Variants in LOXL2 observed in about 807,000 individuals in gnomAD.
The protein encoded by LOXL2 is lysyl oxidase homolog 2.
In LOXL2, 70 loss-of-function variants were observed where a neutral mutation model predicts 93.0. The ratio of observed to expected loss-of-function variants is 0.75; its 90% CI spans 0.62 to 0.92. The LOEUF is 0.92. LOXL2 is among the 40% of genes least tolerant of loss of function. The pLI, the probability that LOXL2 is intolerant of heterozygous loss-of-function variation, is 0.00. For missense variants in LOXL2, 973 were observed against 1,054.9 expected (o/e 0.92, Z 1.08); for synonymous variants, 438 against 413.2 (o/e 1.06, Z -0.73).
chr8:23,398,738 T>C (rs531335128), intron 1 of LOXL2, among the ~76,000 whole-genome samples: 197 of 152,298 alleles, frequency 1.3e-3, no homozygotes, highest in African/African-American at 4.4e-3. Context: ...GAATGCACTA[T>C]AGCCTTGACC....
chr8:23,403,744 C>T (rs1043998211), intron 1 of LOXL2, among the ~76,000 whole-genome samples: 1 of 152,196 alleles, frequency 6.6e-6, no homozygotes, highest in African/African-American at 2.4e-5. Flanking sequence ...CCGGCCCGTA[C>T]GAGGTGGGGT....
At chr8:23,380,683 G>A (rs942204835) in intron 1 of LOXL2, among the ~76,000 whole-genome samples, 13 of 151,848 alleles carry the variant, frequency 8.6e-5, no homozygotes, top group Non-Finnish European at 1.8e-4. Flanking sequence ...TACACAAGCT[G>A]GTGAAAAAAA....
Position 23,317,121 on chromosome 8 carries a change from G to A in LOXL2, c.1471-7C>T. 6.2e-7 allele frequency: 1 copy of A among 1,613,738 alleles called. No individual in the cohort carries two copies. Among genetic ancestry groups the A allele is most frequent in the Non-Finnish European group, 8.5e-7 (1 of 1,179,880 alleles). On this transcript the variant is annotated splice_region_variant and splice_polypyrimidine_tract_variant and intron_variant, in intron 8 of 13. Transcript: ENST00000389131. Reference sequence around the variant, plus strand: ...CGTGCCAATACCAGGTCTCCTGGAAGAACCAACAAAACAAATGGTGGGTAC... The same window carrying A: ...CGTGCCAATACCAGGTCTCCTGGAAAAACCAACAAAACAAATGGTGGGTAC...
intron 3 of LOXL2, among the ~76,000 whole-genome samples, chr8:23,354,370 A>G (rs1253503518): frequency 6.6e-6 from 1 of 152,196 alleles, no homozygotes; most frequent in Non-Finnish European, 1.5e-5. Flanking sequence ...CAGGGTCACA[A>G]GACACAGAGA....
intron 1 of LOXL2, among the ~76,000 whole-genome samples, chr8:23,390,861 G>A (rs1436410828): frequency 2.0e-5 from 3 of 152,136 alleles, no homozygotes; most frequent in Admixed American, 1.3e-4. Context: ...CCTGAGATGG[G>A]GTAATTTATA....
intron 4 of LOXL2, among the ~76,000 whole-genome samples, chr8:23,335,951 TGCGTGC>T (rs1163824261): frequency 1.3e-5 from 2 of 152,138 alleles, no homozygotes. Context: ...AAATTCAGGG[TGCGTGC>T]TCACCACAGC....
At chr8:23,357,658 T>C (rs1563200990) in intron 3 of LOXL2, among the ~76,000 whole-genome samples, 1 of 152,090 alleles carries the variant, frequency 6.6e-6, no homozygotes, top group African/African-American at 2.4e-5. Flanking sequence ...TTTTTTTTTT[T>C]CAAGCCATCA....
chr8:23,301,824 C>T (rs890800139), intron 12 of LOXL2, among the ~76,000 whole-genome samples: 2 of 152,188 alleles, frequency 1.3e-5, no homozygotes, highest in African/African-American at 4.8e-5. Flanking sequence ...TGTCTCTGGT[C>T]CTGTGCACGC....
chr8:23,328,473 G>A lies in LOXL2; in HGVS notation c.1059C>T (p.Asp353=). ...KNGEWGTVCD[D]KWDLVSASVV... is the part of the protein sequence containing the mutation. Reference sequence around the variant, plus strand: ...CACTGGCCGACACCAGGTCCCACTTGTCGTCGCAGACGGTCCCCCATTCTC... The same window carrying A: ...CACTGGCCGACACCAGGTCCCACTTATCGTCGCAGACGGTCCCCCATTCTC... Residue 353 remains aspartate, a synonymous_variant, in exon 6 of 14, where the codon GAC becomes GAT. Coordinates refer to ENST00000389131, the MANE Select transcript of LOXL2 (RefSeq NM_002318.3). 3 of 1,614,118 alleles carry A rather than the reference G, an allele frequency of 1.9e-6. No individual in the cohort carries two copies. The highest frequency in any genetic ancestry group is 1.7e-6 in the Non-Finnish European group (2 of 1,180,032).
chr8:23,367,905 C>T (rs770059126), intron 2 of LOXL2, 92 bp downstream of exon 2: 34 of 992,674 alleles, frequency 3.4e-5, no homozygotes, highest in Non-Finnish European at 4.6e-5. Flanking sequence ...CTTCGCAGTG[C>T]GTGCAGCCTC....
intron 1 of LOXL2, among the ~76,000 whole-genome samples, chr8:23,393,088 T>C (rs1371064659): frequency 1.3e-5 from 2 of 152,198 alleles, no homozygotes; most frequent in African/African-American, 2.4e-5. Context: ...AAACATCCCA[T>C]GTTCATGGAC....
rs113518529 is a variant in LOXL2 at position 23,380,262 on chromosome 8, G to A, written c.-83-11828C>T. Among the ~76,000 whole-genome samples the A allele has an allele frequency of 7.9e-3, 1,199 of 152,060 alleles. 12 individuals carry two copies. Among genetic ancestry groups the A allele is most frequent in the African/African-American group, 0.027 (1,121 of 41,486 alleles). ...ACAAAAATTAGCTGGGCATGGTGGC[G>A]TGTGCCTATAGTCCCAGCTACTCAG... is the stretch of plus-strand genomic sequence containing the variant. On this transcript the variant is annotated intron_variant, in intron 1 of 13. Transcript: ENST00000389131.
chr8:23,322,247 G>A lies in LOXL2; in HGVS notation c.1185C>T (p.Cys395=), dbSNP rs201646081. The A allele has an allele frequency of 3.6e-5, 58 of 1,614,212 alleles. No homozygotes were observed. In the African/African-American group the frequency reaches 6.8e-4, roughly 19 times the overall value. ...IGPIHLNEIQ[C]TGNEKSIIDC... Reference sequence around the variant, plus strand: ...CTATAATGGACTTCTCATTGCCTGTGCACTGGATCTCGTTGAGGTGGATGG... The same window carrying A: ...CTATAATGGACTTCTCATTGCCTGTACACTGGATCTCGTTGAGGTGGATGG... Residue 395 remains cysteine, a synonymous_variant, in exon 7 of 14, where the codon TGC becomes TGT. Transcript: ENST00000389131.
intron 2 of LOXL2, among the ~76,000 whole-genome samples, chr8:23,361,747 A>G (rs1804293926): frequency 6.6e-6 from 1 of 152,056 alleles, no homozygotes. Flanking sequence ...AGGCTGAGGC[A>G]GAGAATCGCT....
intron 1 of LOXL2, among the ~76,000 whole-genome samples, chr8:23,398,317 T>C (rs2117242450): frequency 6.6e-6 from 1 of 152,348 alleles, no homozygotes; most frequent in African/African-American, 2.4e-5. Flanking sequence ...TCAAGGAGGA[T>C]ATGTCTGTTG....
intron 1 of LOXL2, among the ~76,000 whole-genome samples, chr8:23,371,993 T>G (rs1324516617): frequency 2.6e-5 from 4 of 151,814 alleles, no homozygotes; most frequent in Admixed American, 2.0e-4. Flanking sequence ...ATAAGGGGGT[T>G]TGGGGGAGAA....
chr8:23,391,410 T>C (rs963109372), intron 1 of LOXL2, among the ~76,000 whole-genome samples: 7 of 152,158 alleles, frequency 4.6e-5, no homozygotes, highest in African/African-American at 1.7e-4. Context: ...GTGCCCAGTA[T>C]AGTGACTGGC....
intron 2 of LOXL2, among the ~76,000 whole-genome samples, chr8:23,362,514 T>C (rs1047807073): frequency 1.3e-5 from 2 of 152,138 alleles, no homozygotes; most frequent in African/African-American, 4.8e-5. Context: ...GGGAGGATCA[T>C]TCAAGCTCAG....
intron 3 of LOXL2, among the ~76,000 whole-genome samples, chr8:23,342,815 A>G (rs1031522074): frequency 2.1e-4 from 32 of 151,922 alleles, no homozygotes; most frequent in African/African-American, 7.3e-4. Context: ...CAGTGGTGTG[A>G]TCAGGGCTCA....
Sources: allele counts gnomAD v4.1 joint callset (sites outside exome capture counted in the v4.1 genomes callset), GRCh38; gene constraint gnomAD v4.1.1; transcripts MANE v1.5; gene names NCBI Gene and HGNC (gene_info 2026-07-23, HGNC 2026-07-21).